Variants in MAP3K7CL observed in about 807,000 individuals in gnomAD.
The protein encoded by MAP3K7CL is MAP3K7 C-terminal like.
Under a neutral mutation model 18.6 loss-of-function variants are expected in MAP3K7CL, and 16 were observed. That is an observed-to-expected ratio of 0.86 (90% CI 0.58 to 1.31). The LOEUF is 1.31. MAP3K7CL is among the 50% of genes most tolerant of loss of function. MAP3K7CL has a pLI of 0.00. For missense variants in MAP3K7CL, 163 were observed against 174.4 expected, an observed-to-expected ratio of 0.93 and a Z score of 0.37; for synonymous variants, 65 against 66.8, an observed-to-expected ratio of 0.97 and a Z score of 0.13.
At chr21:29,119,265 T>C (rs1601187596) in intron 4 of MAP3K7CL, among the ~76,000 whole-genome samples, 1 of 152,378 alleles carries the variant, frequency 6.6e-6, no homozygotes, top group African/African-American at 2.4e-5. Flanking sequence ...CAGTAGAGTT[T>C]CAGCCCTGTC....
At chr21:29,136,725 T>C (rs1037785958) in intron 2 of MAP3K7CL, among the ~76,000 whole-genome samples, 7 of 152,134 alleles carry the variant, frequency 4.6e-5, no homozygotes, top group Admixed American at 4.6e-4. Flanking sequence ...TTCACCTTGT[T>C]GGCCAGGCTG....
chr21:29,123,045 AAGAAATG>A (rs1215225173), intron 4 of MAP3K7CL, among the ~76,000 whole-genome samples: 16,905 of 110,058 alleles, frequency 0.15, 1,171 homozygotes, highest in East Asian at 0.23. Flanking sequence ...AATACTGGAG[AAGAAATG>A]ATCTTTTTTT....
rs142291449 is a variant in MAP3K7CL at position 29,089,739 on chromosome 21, T to C, written c.58-1762T>C. On this transcript the variant is annotated intron_variant, in intron 1 of 6. Transcript: ENST00000286791. The stretch of plus-strand genomic sequence containing the variant: ...TGGCCTTTTGCCTTCTGTCTTTATA[T>C]AGGATTTCCAAACAAGATGTGTCTA... 6.6e-5 allele frequency among the ~76,000 whole-genome samples: 10 copies of C among 151,988 alleles called. No homozygotes were observed. In the East Asian group the frequency reaches 1.9e-3, roughly 29 times the overall value.
intron 4 of MAP3K7CL, among the ~76,000 whole-genome samples, chr21:29,117,455 C>T (rs901405078): frequency 3.3e-5 from 5 of 152,254 alleles, no homozygotes; most frequent in Non-Finnish European, 7.3e-5. Context: ...AATGCTATCA[C>T]TGCTGAAGCA....
upstream of MAP3K7CL, among the ~76,000 whole-genome samples, chr21:29,081,595 C>T (rs1254107770): frequency 3.3e-5 from 5 of 152,186 alleles, no homozygotes; most frequent in South Asian, 8.3e-4. Flanking sequence ...ATCTGGCCTT[C>T]CCAACTTGGT....
intron 2 of MAP3K7CL, among the ~76,000 whole-genome samples, chr21:29,139,680 G>C (rs188108193): frequency 6.6e-6 from 1 of 152,104 alleles, no homozygotes; most frequent in Non-Finnish European, 1.5e-5. Flanking sequence ...CACCTCCAGG[G>C]TTCAAGCCAT....
Position 29,156,634 on chromosome 21 carries a change from A to G in MAP3K7CL, c.133-3307A>G, listed in dbSNP as rs141478893. Among the ~76,000 whole-genome samples the G allele has an allele frequency of 3.8e-3, 580 of 152,348 alleles. 1 individual carries two copies. The highest frequency in any genetic ancestry group is 6.5e-3 in the Non-Finnish European group (440 of 68,038). On this transcript the variant is annotated intron_variant, in intron 3 of 4. Transcript: ENST00000399928. ...ACCCTCAGTCAGGACCTGATGATACAACATACATACACACATTATATCACA... is the reference window on the plus strand; with the variant it reads ...ACCCTCAGTCAGGACCTGATGATACGACATACATACACACATTATATCACA...
At chr21:29,091,505 T>G (rs1356033142) in exon 2 of MAP3K7CL, 1 of 696,890 alleles carries the variant, frequency 1.4e-6, no homozygotes, top group South Asian at 1.5e-5. Flanking sequence ...ATACAGCCCC[T>G]TGCTCTGTCA....
intron 4 of MAP3K7CL, among the ~76,000 whole-genome samples, chr21:29,111,437 G>A (rs1055869220): frequency 1.3e-5 from 2 of 152,108 alleles, no homozygotes; most frequent in African/African-American, 2.4e-5. Flanking sequence ...TTGGTGAGGA[G>A]CTCTATTCCC....
chr21:29,103,138 G>C (rs2086261717), intron 4 of MAP3K7CL, among the ~76,000 whole-genome samples: 1 of 152,208 alleles, frequency 6.6e-6, no homozygotes, highest in Non-Finnish European at 1.5e-5. Context: ...TCTGCAGCCT[G>C]TCTTTGTAAA....
intron 4 of MAP3K7CL, among the ~76,000 whole-genome samples, chr21:29,097,374 A>AG (rs1463444779): frequency 6.6e-6 from 1 of 152,176 alleles, no homozygotes; most frequent in African/African-American, 2.4e-5. Context: ...ATAAGAAGAG[A>AG]GGGGAAGAAA....
At chr21:29,126,484 G>A (rs2086683522), upstream of MAP3K7CL, among the ~76,000 whole-genome samples, 1 of 152,018 alleles carries the variant, frequency 6.6e-6, no homozygotes, top group Non-Finnish European at 1.5e-5. Flanking sequence ...TTGAGATGAA[G>A]TTTTGCTCTT....
intron 3 of MAP3K7CL, among the ~76,000 whole-genome samples, chr21:29,149,974 A>C (rs961238321): frequency 6.6e-6 from 1 of 152,216 alleles, no homozygotes; most frequent in African/African-American, 2.4e-5. Flanking sequence ...TTGTAGTCAC[A>C]TTTAGGCAAG....
chr21:29,080,416 A>C (rs949739209), intron 1 of MAP3K7CL: 1 of 152,280 alleles, frequency 6.6e-6, no homozygotes, highest in Non-Finnish European at 1.5e-5. Flanking sequence ...GCCGTGGTTT[A>C]AACCAGAATT....
intron 1 of MAP3K7CL, among the ~76,000 whole-genome samples, chr21:29,090,222 G>A (rs1300989106): frequency 6.6e-6 from 1 of 152,058 alleles, no homozygotes; most frequent in African/African-American, 2.4e-5. Context: ...ATCCACTTAT[G>A]ACCAAAAGAG....
intron 4 of MAP3K7CL, among the ~76,000 whole-genome samples, chr21:29,166,677 G>C (rs2087696844): frequency 6.6e-6 from 1 of 152,118 alleles, no homozygotes; most frequent in African/African-American, 2.4e-5. Flanking sequence ...TTTGTGATTG[G>C]CTTTTTTCAC....
At chr21:29,109,950 A>C (rs2086391031) in intron 4 of MAP3K7CL, among the ~76,000 whole-genome samples, 1 of 151,826 alleles carries the variant, frequency 6.6e-6, no homozygotes, top group African/African-American at 2.4e-5. Flanking sequence ...TTCTCCTGCA[A>C]ACCCACCAAC....
intron 1 of MAP3K7CL, among the ~76,000 whole-genome samples, chr21:29,078,472 G>A (rs1335046494): frequency 6.6e-6 from 1 of 152,198 alleles, no homozygotes; most frequent in Non-Finnish European, 1.5e-5. Flanking sequence ...AGTCTCGCTG[G>A]ACTACAGAGA....
chr21:29,152,908 T>C (rs984691879), intron 3 of MAP3K7CL, among the ~76,000 whole-genome samples: 1 of 152,252 alleles, frequency 6.6e-6, no homozygotes, highest in African/African-American at 2.4e-5. Context: ...AAGATTGCCA[T>C]AATGTAGTTA....
Sources: gnomAD v4.1 joint callset for allele counts (sites outside exome capture counted in the v4.1 genomes callset) on GRCh38, gnomAD v4.1.1 for gene constraint, MANE v1.5 for transcripts, NCBI Gene and HGNC (gene_info 2026-07-23, HGNC 2026-07-21) for gene names.